Variants in TMEM236 observed in about 807,000 individuals in gnomAD.
The protein encoded by TMEM236 is family with sequence similarity 23, member A.
In TMEM236, 11 loss-of-function variants were observed where a neutral mutation model predicts 14.7. That is an observed-to-expected ratio of 0.75 (90% CI 0.47 to 1.24). The LOEUF (loss-of-function observed/expected upper bound fraction) is 1.24. Among genes scored for constraint, TMEM236 ranks in the 50% most tolerant of loss-of-function variants. The pLI is 0.00. For missense variants in TMEM236, 464 were observed against 427.3 expected, an observed-to-expected ratio of 1.09 and a Z score of -0.76; for synonymous variants, 182 against 168.6, an observed-to-expected ratio of 1.08 and a Z score of -0.62.
intron 3 of TMEM236, among the ~76,000 whole-genome samples, chr10:17,787,176 G>A (rs1837851157): frequency 6.6e-6 from 1 of 152,206 alleles, no homozygotes; most frequent in Admixed American, 6.5e-5. Flanking sequence ...GATGGTCTCT[G>A]GCATGCTTTG....
At chr10:17,761,693 CAA>C (rs1297497582) in intron 1 of TMEM236, among the ~76,000 whole-genome samples, 1,336 of 114,060 alleles carry the variant, frequency 0.012, 20 homozygotes, top group African/African-American at 0.04. Flanking sequence ...GACTATGTCT[CAA>C]AAAAAAAAAA....
chr10:17,792,663 A>T (rs1837945332), intron 3 of TMEM236, among the ~76,000 whole-genome samples: 1 of 152,228 alleles, frequency 6.6e-6, no homozygotes, highest in Admixed American at 6.5e-5. Flanking sequence ...TCGTTTCAGC[A>T]ACTAGAATCA....
At chr10:17,758,021 G>A (rs1837307570) in intron 1 of TMEM236, among the ~76,000 whole-genome samples, 1 of 152,132 alleles carries the variant, frequency 6.6e-6, no homozygotes, top group Admixed American at 6.5e-5. Context: ...CGCCCACTTT[G>A]GTCTCCCAAA....
In TMEM236 at chr10:17,770,618, C is replaced by T. The variant is rs1474276981; in HGVS notation, c.258-691C>T. The stretch of plus-strand genomic sequence containing the variant: ...CAGGATGGTCTCGATCTCCTGACCT[C>T]GTGATCCACCTGCCTTGGCCTCCCA... On this transcript the variant is annotated intron_variant, in intron 1 of 3. Coordinates refer to ENST00000377495, the MANE Select transcript of TMEM236 (RefSeq NM_001098844.3). 1.3e-4 allele frequency among the ~76,000 whole-genome samples: 20 copies of T among 152,248 alleles called. No homozygotes were observed. The East Asian group carries it at 2.5e-3, about 19-fold the overall frequency.
rs1182098723 is a variant in TMEM236 at position 17,796,527 on chromosome 10, G to C, written c.*23G>C. 10 of 1,565,584 alleles carry C rather than the reference G, an allele frequency of 6.4e-6. No individual in the cohort carries two copies. The highest frequency in any genetic ancestry group is 8.8e-6 in the Non-Finnish European group (10 of 1,136,500). ...TAAAAAGGAAATGGGATCTAGTAAG[G>C]CCTCTTTGTGATACCTGTGTGCACA... On this transcript the variant is annotated 3_prime_UTR_variant, in exon 4 of 4. Transcript: ENST00000377495.
chr10:17,776,146 T>C lies in TMEM236; in HGVS notation c.448T>C (p.Tyr150His). The change falls in exon 3 of 4, where the codon TAT (tyrosine) becomes CAT (histidine). Residue 150 changes from tyrosine (Y) to histidine (H), a missense_variant. Tyr to His is a moderately conservative substitution (Grantham distance 83). Coordinates refer to ENST00000377495, the MANE Select transcript of TMEM236 (RefSeq NM_001098844.3). Reference protein sequence around the residue: ...MVDIIEKLRIYPLRGSQKSSE... With the variant: ...MVDIIEKLRIHPLRGSQKSSE... ...TGATATTATTGAAAAACTCAGGATA[T>C]ATCCTCTTAGAGGGAGTCAAAAGAG... is the stretch of plus-strand genomic sequence containing the variant. 1 of 1,613,512 alleles carries C rather than the reference T, an allele frequency of 6.2e-7. No individual in the cohort carries two copies. Among genetic ancestry groups the C allele is most frequent in the South Asian group, 1.1e-5 (1 of 91,066 alleles).
Position 17,796,745 on chromosome 10 carries a change from A to G in TMEM236, c.*241A>G. On this transcript the variant is annotated 3_prime_UTR_variant, in exon 4 of 4. Transcript: ENST00000377495. ...TCAGGTATTTCTAGAAAATGTTAGC[A>G]GCTAATTTTAGTTAGTTATGTATAC... The G allele has an allele frequency of 1.9e-6, 1 of 526,276 alleles. No individual in the cohort carries two copies. Among genetic ancestry groups the G allele is most frequent in the East Asian group, 3.5e-5 (1 of 28,652 alleles). The allele number at this position is 526,276 out of a possible 1,614,324, so 32.6% of individuals were successfully genotyped here.
At chr10:17,760,489 C>T (rs1837346644) in intron 1 of TMEM236, among the ~76,000 whole-genome samples, 1 of 152,012 alleles carries the variant, frequency 6.6e-6, no homozygotes, top group Non-Finnish European at 1.5e-5. Context: ...TTTAATTTTA[C>T]TTTGGTGTTT....
intron 1 of TMEM236, among the ~76,000 whole-genome samples, chr10:17,756,084 T>C (rs1837280046): frequency 6.6e-6 from 1 of 152,064 alleles, no homozygotes; most frequent in Non-Finnish European, 1.5e-5. Flanking sequence ...CTGGGCAACA[T>C]AGTGAGACCT....
At chr10:17,776,352 A>AGCTGCTTTT (rs1299708059) in intron 3 of TMEM236, among the ~76,000 whole-genome samples, 182 bp downstream of exon 3, 1 of 152,232 alleles carries the variant, frequency 6.6e-6, no homozygotes, top group Non-Finnish European at 1.5e-5. Flanking sequence ...ATAGCTAGAT[A>AGCTGCTTTT]GCTGCTTTTG....
intron 1 of TMEM236, among the ~76,000 whole-genome samples, chr10:17,761,609 G>T (rs1050226680): frequency 6.6e-6 from 1 of 150,718 alleles, no homozygotes; most frequent in Admixed American, 6.6e-5. Context: ...CAGGAGAATC[G>T]CTGGAACCCG....
rs1453829910 is a variant in TMEM236, at chr10:17,796,090, A to AC, written c.646dup (p.Gln216ProfsTer6). 6.2e-7 allele frequency: 1 copy of AC among 1,613,674 alleles called. No individual in the cohort carries two copies. Among genetic ancestry groups the AC allele is most frequent in the African/African-American group, 1.3e-5 (1 of 74,858 alleles). ...GGAGCCAGGAGTCTGTGTTCATGGG[A>AC]CCCCAGGAGCCCTCCTGTGACTCCG... On this transcript the variant is annotated frameshift_variant, in exon 4 of 4. Transcript: ENST00000377495. LOFTEE classifies it low-confidence loss of function (END_TRUNC).
chr10:17,754,065 C>T (rs1264974207), intron 1 of TMEM236, among the ~76,000 whole-genome samples: 1 of 152,194 alleles, frequency 6.6e-6, no homozygotes, highest in Non-Finnish European at 1.5e-5. Flanking sequence ...GTTAGTAAGA[C>T]TGGAGTTTGT....
At chr10:17,794,459 T>C (rs1377103784) in intron 3 of TMEM236, among the ~76,000 whole-genome samples, 2 of 152,112 alleles carry the variant, frequency 1.3e-5, no homozygotes, top group Non-Finnish European at 1.5e-5. Context: ...GCCATCAACA[T>C]TGTTTTAGGT....
At chr10:17,760,503 A>G (rs1837346824) in intron 1 of TMEM236, among the ~76,000 whole-genome samples, 1 of 152,138 alleles carries the variant, frequency 6.6e-6, no homozygotes, top group African/African-American at 2.4e-5. Context: ...GGTGTTTTTG[A>G]TATGGAGAAT....
At chr10:17,775,975 T>G in intron 2 of TMEM236, 54 bp from the exon 3 acceptor site, 1 of 1,604,686 alleles carries the variant, frequency 6.2e-7, no homozygotes, top group Non-Finnish European at 8.5e-7. Context: ...TGAAAGCATT[T>G]TGAGCAAAGA....
chr10:17,784,893 A>G (rs1837808816), intron 3 of TMEM236, among the ~76,000 whole-genome samples: 1 of 152,078 alleles, frequency 6.6e-6, no homozygotes. Context: ...AGACAGATGG[A>G]TGAGTAATGT....
chr10:17,773,629 C>A (rs1837610901), intron 2 of TMEM236, among the ~76,000 whole-genome samples: 1 of 152,154 alleles, frequency 6.6e-6, no homozygotes, highest in African/African-American at 2.4e-5. Flanking sequence ...TGAGGCACCC[C>A]TCCAGGCATC....
At chr10:17,766,964 T>C (rs1193135096) in intron 1 of TMEM236, among the ~76,000 whole-genome samples, 2 of 152,176 alleles carry the variant, frequency 1.3e-5, no homozygotes, top group Non-Finnish European at 2.9e-5. Context: ...GTCTTCCCTC[T>C]GTGCAACTCT....
Sources: gnomAD v4.1 joint callset for allele counts (sites outside exome capture counted in the v4.1 genomes callset) on GRCh38, gnomAD v4.1.1 for gene constraint, MANE v1.5 for transcripts, NCBI Gene and HGNC (gene_info 2026-07-23, HGNC 2026-07-21) for gene names.